The following SETD3 variants were observed in gnomAD, a reference collection of about 807,000 sequenced individuals.
The protein encoded by SETD3 is SET domain containing 3, actin N3(tau)-histidine methyltransferase.
A neutral mutation model predicts 63.0 loss-of-function variants in SETD3; 19 were observed. That is an observed-to-expected ratio of 0.30 (90% confidence interval 0.21 to 0.44). SETD3 has a LOEUF of 0.44. SETD3 is among the 20% of genes least tolerant of loss of function. SETD3 has a pLI of 1.00. For missense variants in SETD3, 587 were observed against 728.5 expected, an observed-to-expected ratio of 0.81 and a Z score of 2.24; for synonymous variants, 286 against 264.1, an observed-to-expected ratio of 1.08 and a Z score of -0.80.
chr14:99,444,738 C>T lies in SETD3; in HGVS notation c.675+13541G>A, dbSNP rs531358337. ...AGCTGGGCATGGTGGTGCACGCTGA[C>T]GTGGGAAGATGGCTTGAGCCTGGCA... On this transcript the variant is annotated intron_variant, in intron 6 of 12. Coordinates refer to ENST00000331768, the MANE Select transcript of SETD3 (RefSeq NM_032233.3). 6.0e-5 allele frequency among the ~76,000 whole-genome samples: 9 copies of T among 150,978 alleles called. No individual in the cohort carries two copies. The South Asian group carries it at 1.9e-3, about 32-fold the overall frequency.
chr14:99,472,278 G>T (rs1895743683), intron 1 of SETD3, among the ~76,000 whole-genome samples: 1 of 152,190 alleles, frequency 6.6e-6, no homozygotes, highest in African/African-American at 2.4e-5. Flanking sequence ...ATTCAAGAAG[G>T]ATGACTAAAT....
intron 6 of SETD3, among the ~76,000 whole-genome samples, chr14:99,445,394 G>A (rs1894076793): frequency 6.6e-6 from 1 of 152,222 alleles, no homozygotes; most frequent in African/African-American, 2.4e-5. Flanking sequence ...TGCAGCAGGG[G>A]TGAAAAGTCA....
intron 6 of SETD3, among the ~76,000 whole-genome samples, chr14:99,440,660 G>C (rs2139718185): frequency 6.6e-6 from 1 of 152,094 alleles, no homozygotes; most frequent in South Asian, 2.1e-4. Flanking sequence ...GGTGCAGAAA[G>C]AGGGCATAGG....
chr14:99,470,653 C>A (rs79082628), intron 1 of SETD3, among the ~76,000 whole-genome samples: 1 of 152,146 alleles, frequency 6.6e-6, no homozygotes, highest in Non-Finnish European at 1.5e-5. Context: ...CCCAGGCAGT[C>A]GGGCGTGAAC....
At chr14:99,441,656 C>A (rs1893821568) in intron 6 of SETD3, among the ~76,000 whole-genome samples, 1 of 152,184 alleles carries the variant, frequency 6.6e-6, no homozygotes, top group Non-Finnish European at 1.5e-5. Flanking sequence ...CAGCAAAGTC[C>A]TGAGGAGAAG....
intron 6 of SETD3, among the ~76,000 whole-genome samples, chr14:99,420,226 G>A (rs138835649): frequency 6.6e-6 from 1 of 152,200 alleles, no homozygotes; most frequent in African/African-American, 2.4e-5. Context: ...CATTTGATTA[G>A]CATCTCTTCC....
intron 1 of SETD3, among the ~76,000 whole-genome samples, chr14:99,470,489 A>C (rs1034570294): frequency 6.6e-6 from 1 of 152,124 alleles, no homozygotes; most frequent in Non-Finnish European, 1.5e-5. Flanking sequence ...TTCTTCCAGT[A>C]AATGTATCTC....
At chr14:99,407,261 G>A (rs113007010) in intron 8 of SETD3, among the ~76,000 whole-genome samples, 3,030 of 152,104 alleles carry the variant, frequency 0.02, 34 homozygotes, top group South Asian at 0.036. Flanking sequence ...CCAAACCTGC[G>A]TCTCCTTCTA....
upstream of SETD3, among the ~76,000 whole-genome samples, chr14:99,482,935 AGAG>A (rs1345554922): frequency 1.3e-5 from 2 of 152,252 alleles, no homozygotes; most frequent in Non-Finnish European, 2.9e-5. Flanking sequence ...AAAAAAATCT[AGAG>A]GAATTAAATT....
At chr14:99,402,071 C>T (rs1468370909) in intron 11 of SETD3, among the ~76,000 whole-genome samples, 2 of 152,188 alleles carry the variant, frequency 1.3e-5, no homozygotes, top group Non-Finnish European at 2.9e-5. Context: ...ACAGTGTGTG[C>T]TCACCCCGGA....
chr14:99,407,077 T>C (rs1400033199), intron 8 of SETD3, among the ~76,000 whole-genome samples: 2 of 152,232 alleles, frequency 1.3e-5, no homozygotes, highest in African/African-American at 4.8e-5. Flanking sequence ...AAAGAAAAGC[T>C]CTATTTCTGA....
chr14:99,452,846 G>C (rs944921845), intron 6 of SETD3, among the ~76,000 whole-genome samples: 2 of 151,434 alleles, frequency 1.3e-5, no homozygotes, highest in Non-Finnish European at 1.5e-5. Context: ...CAGGCAGATC[G>C]CGGGGGGAGA....
Position 99,399,102 on chromosome 14 carries a change from G to A in SETD3, c.1362C>T (p.Asn454=). ...TTTTTGCACGAACAGAAAGATCGTG[G>A]TTTTTCAAGACGGATTTATCTTCCT... ...TIEEDKSVLK[N]HDLSVRAKMA... The change falls in exon 13 of 13, where the codon AAC becomes AAT. Residue 454 remains asparagine (N), a synonymous_variant. Coordinates refer to ENST00000331768, the MANE Select transcript of SETD3 (RefSeq NM_032233.3). 6.2e-7 allele frequency: 1 copy of A among 1,613,662 alleles called. No homozygotes were observed. Among genetic ancestry groups the A allele is most frequent in the South Asian group, 1.1e-5 (1 of 91,042 alleles).
chr14:99,435,602 C>T (rs984932106), intron 6 of SETD3, among the ~76,000 whole-genome samples: 5 of 152,122 alleles, frequency 3.3e-5, no homozygotes, highest in African/African-American at 7.2e-5. Context: ...CTTCAGCACC[C>T]CTAAAGGGCC....
At chr14:99,414,057 G>A (rs757512750) in intron 6 of SETD3, 123 bp from the exon 7 acceptor site, 26 of 867,806 alleles carry the variant, frequency 3.0e-5, no homozygotes, top group South Asian at 4.5e-5. Flanking sequence ...TGAAGCAGGC[G>A]GCGTCCAGCC....
chr14:99,400,786 C>A (rs1372163403), intron 11 of SETD3, among the ~76,000 whole-genome samples: 4 of 152,140 alleles, frequency 2.6e-5, no homozygotes, highest in Admixed American at 1.3e-4. Flanking sequence ...TAACAAGCCA[C>A]AAACTGAAAG....
At chr14:99,433,961 G>A (rs926856904) in intron 6 of SETD3, among the ~76,000 whole-genome samples, 1 of 152,212 alleles carries the variant, frequency 6.6e-6, no homozygotes, top group Non-Finnish European at 1.5e-5. Context: ...TGGTGCGAGT[G>A]TAAATTGGTG....
At chr14:99,446,265 G>A (rs1449601254) in intron 6 of SETD3, among the ~76,000 whole-genome samples, 2 of 152,228 alleles carry the variant, frequency 1.3e-5, no homozygotes, top group Non-Finnish European at 2.9e-5. Context: ...TGTCTTAGGA[G>A]AAAGCCCTGT....
intron 6 of SETD3, among the ~76,000 whole-genome samples, chr14:99,450,685 A>T (rs1174870446): frequency 1.3e-5 from 2 of 152,258 alleles, no homozygotes; most frequent in East Asian, 3.8e-4. Context: ...GTTGATACAC[A>T]TATGAGTTTC....
Sources: gnomAD v4.1 joint callset for allele counts (sites outside exome capture counted in the v4.1 genomes callset) on GRCh38, gnomAD v4.1.1 for gene constraint, MANE v1.5 for transcripts, NCBI Gene and HGNC (gene_info 2026-07-23, HGNC 2026-07-21) for gene names.